The following KALRN variants were observed in gnomAD, a reference collection of about 807,000 sequenced individuals.
KALRN encodes the protein kalirin RhoGEF kinase.
KALRN carries 70 observed loss-of-function variants against 353.7 expected under a neutral mutation model. The ratio of observed to expected loss-of-function variants is 0.20; its 90% confidence interval spans 0.16 to 0.24. KALRN has a LOEUF of 0.24. Among genes scored for constraint, KALRN ranks in the 10% least tolerant of loss-of-function variants. The pLI, the probability that KALRN is intolerant of heterozygous loss-of-function variation, is 1.00. For missense variants in KALRN, 2,791 were observed against 3,756.7 expected, an observed-to-expected ratio of 0.74 and a Z score of 6.72; for synonymous variants, 1,391 against 1,434.8, an observed-to-expected ratio of 0.97 and a Z score of 0.69.
chr3:124,102,158 C>T (rs533306466), intron 1 of KALRN, among the ~76,000 whole-genome samples: 1 of 152,222 alleles, frequency 6.6e-6, no homozygotes, highest in East Asian at 1.9e-4. Flanking sequence ...TTATAGTCAT[C>T]TATGTATATA....
intron 51 of KALRN, among the ~76,000 whole-genome samples, chr3:124,680,495 G>A (rs1021166974): frequency 3.9e-5 from 6 of 152,248 alleles, no homozygotes; most frequent in African/African-American, 1.4e-4. Flanking sequence ...ATGGGTACAA[G>A]TTTAGAGATT....
chr3:124,267,598 G>C (rs949329482), intron 4 of KALRN, among the ~76,000 whole-genome samples: 2 of 152,188 alleles, frequency 1.3e-5, no homozygotes, highest in Non-Finnish European at 2.9e-5. Context: ...CTCCCCAAAG[G>C]ATTCTAATGA....
intron 21 of KALRN, among the ~76,000 whole-genome samples, chr3:124,447,740 A>C (rs1391136333): frequency 6.6e-6 from 1 of 152,156 alleles, no homozygotes; most frequent in Non-Finnish European, 1.5e-5. Context: ...TGGTGTGACA[A>C]ATTAGGCCCT....
At chr3:124,679,561 T>TC (rs765856212) in intron 51 of KALRN, 44 bp downstream of exon 51, 1 of 1,508,212 alleles carries the variant, frequency 6.6e-7, no homozygotes, top group East Asian at 2.3e-5. Context: ...ATGATTGCCT[T>TC]TTTTGATGTG....
intron 1 of KALRN, among the ~76,000 whole-genome samples, chr3:124,146,939 T>A (rs2067446077): frequency 7.1e-6 from 1 of 141,630 alleles, no homozygotes; most frequent in Non-Finnish European, 1.5e-5. Context: ...CCTGGAAACC[T>A]AGAACTTATC....
In KALRN at chr3:124,697,577, A is replaced by C; in HGVS notation, c.7700-16A>C. On this transcript the variant is annotated splice_polypyrimidine_tract_variant and intron_variant, in intron 54 of 59. Coordinates refer to ENST00000682506, the MANE Select transcript of KALRN (RefSeq NM_001388419.1). The stretch of plus-strand genomic sequence containing the variant: ...TCTGCAGAAATAGCACCTGATCCTG[A>C]TTTCTGTCTCCATAGGTGTTCCAGC... 6 of 1,575,746 alleles carry C rather than the reference A, an allele frequency of 3.8e-6. No individual in the cohort carries two copies. The highest frequency in any genetic ancestry group is 5.2e-6 in the Non-Finnish European group (6 of 1,163,804).
intron 6 of KALRN, among the ~76,000 whole-genome samples, chr3:124,305,618 A>T (rs1265481321): frequency 6.6e-6 from 1 of 152,200 alleles, no homozygotes; most frequent in Non-Finnish European, 1.5e-5. Context: ...CTGCCATTGC[A>T]GGGTGCCTGT....
chr3:124,348,749 G>A (rs376201337), intron 10 of KALRN, among the ~76,000 whole-genome samples: 7 of 152,160 alleles, frequency 4.6e-5, no homozygotes, highest in African/African-American at 7.2e-5. Flanking sequence ...AGACAGTCTC[G>A]CTCTGTTGCC....
intron 34 of KALRN, chr3:124,584,966 GA>G: frequency 6.5e-7 from 1 of 1,545,202 alleles, no homozygotes. Context: ...CGCTCAGCGC[GA>G]GGGAGGGTGG....
chr3:124,640,865 A>G (rs558853292), intron 37 of KALRN, among the ~76,000 whole-genome samples: 2 of 152,340 alleles, frequency 1.3e-5, no homozygotes, highest in South Asian at 4.1e-4. Flanking sequence ...TTCGTTCCAT[A>G]TGAGGAAGAA....
chr3:124,239,270 C>G (rs2148629723), intron 3 of KALRN, among the ~76,000 whole-genome samples: 1 of 152,228 alleles, frequency 6.6e-6, no homozygotes, highest in Middle Eastern at 3.4e-3. Flanking sequence ...GATAATCTAC[C>G]CACTGTGATT....
intron 48 of KALRN, among the ~76,000 whole-genome samples, chr3:124,672,104 T>C (rs1031756546): frequency 6.6e-6 from 1 of 152,088 alleles, no homozygotes; most frequent in Non-Finnish European, 1.5e-5. Flanking sequence ...CGCCCTACCA[T>C]ACCCAGCTAA....
intron 10 of KALRN, among the ~76,000 whole-genome samples, chr3:124,351,569 A>G (rs753568966): frequency 3.9e-5 from 6 of 152,168 alleles, no homozygotes; most frequent in Non-Finnish European, 8.8e-5. Context: ...GCAAGCCCTC[A>G]ACAGAGGGAA....
chr3:124,336,507 G>A (rs1413378173), intron 9 of KALRN, among the ~76,000 whole-genome samples: 2 of 152,066 alleles, frequency 1.3e-5, no homozygotes, highest in African/African-American at 2.4e-5. Context: ...TTACCCTCAT[G>A]CTGATTTTAT....
intron 39 of KALRN, 38 bp downstream of exon 39, chr3:124,655,705 A>T: frequency 6.6e-7 from 1 of 1,518,638 alleles, no homozygotes; most frequent in Non-Finnish European, 9.2e-7. Context: ...TGGTCACCCA[A>T]CCAGGAGCAC....
chr3:124,637,159 C>G (rs1429881642), intron 36 of KALRN, 49 bp from the exon 37 acceptor site: 1 of 1,403,520 alleles, frequency 7.1e-7, no homozygotes, highest in South Asian at 1.2e-5. Context: ...GATCACTGTT[C>G]CTTATTCTTT....
chr3:124,234,802 A>G (rs1372868872), intron 2 of KALRN, 27 bp from the exon 3 acceptor site: 1 of 1,531,092 alleles, frequency 6.5e-7, no homozygotes, highest in East Asian at 2.4e-5. Context: ...GTTTTCTTAA[A>G]CACTCTTCTC....
chr3:124,427,527 C>T (rs2093075435), intron 15 of KALRN, among the ~76,000 whole-genome samples: 1 of 152,228 alleles, frequency 6.6e-6, no homozygotes, highest in African/African-American at 2.4e-5. Flanking sequence ...TTACAAGGCT[C>T]AGCCTGCCCA....
At chr3:124,274,485 G>A (rs1560430742) in intron 5 of KALRN, among the ~76,000 whole-genome samples, 1 of 152,180 alleles carries the variant, frequency 6.6e-6, no homozygotes, top group Non-Finnish European at 1.5e-5. Context: ...CTACCCAGGA[G>A]GCCCATTTTT....
Sources: allele counts gnomAD v4.1 joint callset (sites outside exome capture counted in the v4.1 genomes callset), GRCh38; gene constraint gnomAD v4.1.1; transcripts MANE v1.5; gene names NCBI Gene and HGNC (gene_info 2026-07-23, HGNC 2026-07-21).